The following SPDYA variants were observed in gnomAD, a reference collection of about 807,000 sequenced individuals.
SPDYA encodes the protein speedy protein A.
SPDYA carries 11 observed loss-of-function variants against 36.7 expected under a neutral mutation model. The observed-to-expected ratio is 0.30, with a 90% CI of 0.19 to 0.50. SPDYA has a LOEUF of 0.50. Ranked by LOEUF, SPDYA falls within the 20% of genes least tolerant of loss-of-function variation. SPDYA has a pLI of 0.98. For missense variants in SPDYA, 287 were observed against 370.9 expected, an observed-to-expected ratio of 0.77 and a Z score of 1.86; for synonymous variants, 115 against 118.7, an observed-to-expected ratio of 0.97 and a Z score of 0.20.
chr2:28,850,419 A>G lies in SPDYA; in HGVS notation c.*478A>G, dbSNP rs1558336447. The G allele has an allele frequency of 6.5e-7, 1 of 1,533,292 alleles. No homozygotes were observed. The highest frequency in any genetic ancestry group is 9.0e-7 in the Non-Finnish European group (1 of 1,113,430). The allele number at this position is 1,533,292 out of a possible 1,614,324, so 95.0% of individuals were successfully genotyped here. A position where few individuals can be genotyped will look rare whatever the true frequency, so the allele number is the denominator to read the frequency against. The stretch of plus-strand genomic sequence containing the variant: ...AATGCGATTCTTCTGTTGTAAAAAA[A>G]TATATGTACTATAAGCTACATAAAA... On this transcript the variant is annotated 3_prime_UTR_variant, in exon 8 of 8. Coordinates refer to ENST00000334056, the MANE Select transcript of SPDYA (RefSeq NM_182756.4).
intron 6 of SPDYA, among the ~76,000 whole-genome samples, chr2:28,834,023 A>G (rs376368367): frequency 2.2e-4 from 34 of 152,162 alleles, no homozygotes; most frequent in East Asian, 2.1e-3. Flanking sequence ...AATCAATTTA[A>G]AAAATGGGCA....
chr2:28,850,440 TA>T lies in SPDYA; in HGVS notation c.*503del. 2.2e-6 allele frequency: 3 copies of T among 1,372,622 alleles called. No individual in the cohort carries two copies. Among genetic ancestry groups the T allele is most frequent in the Non-Finnish European group, 3.0e-6 (3 of 991,318 alleles). 85.0% of individuals were successfully genotyped at this position (1,372,622 alleles called of 1,614,324 possible). ...AAAAATATATGTACTATAAGCTACA[TA>T]AAATATTTTCTATTTTTTTCACAAA... On this transcript the variant is annotated 3_prime_UTR_variant, in exon 8 of 8. Transcript: ENST00000334056.
At chr2:28,814,812 T>C (rs1408497330) in intron 2 of SPDYA, 126 bp downstream of exon 2, 1 of 152,140 alleles carries the variant, frequency 6.6e-6, no homozygotes, top group African/African-American at 2.4e-5. Flanking sequence ...ACCACAAAAA[T>C]AATACTAAGT....
intron 3 of SPDYA, 112 bp from the exon 4 acceptor site, chr2:28,818,936 C>G: frequency 1.3e-6 from 1 of 799,380 alleles, no homozygotes; most frequent in Non-Finnish European, 2.0e-6. Context: ...CTGGTTCATT[C>G]ATTTTTGTTT....
intron 6 of SPDYA, among the ~76,000 whole-genome samples, chr2:28,834,145 C>G (rs931995668): frequency 6.6e-6 from 1 of 151,662 alleles, no homozygotes; most frequent in African/African-American, 2.4e-5. Flanking sequence ...CATTAGCTGT[C>G]AGGGATTGCA....
rs1480757390 is a variant in SPDYA at position 28,829,085 on chromosome 2, A to G, written c.381-63A>G. 25 of 1,448,686 alleles carry G rather than the reference A, an allele frequency of 1.7e-5. No homozygotes were observed. In the Admixed American group the frequency reaches 5.4e-4, roughly 32 times the overall value. The allele number at this position is 1,448,686 out of a possible 1,614,324, so 89.7% of individuals were successfully genotyped here. On this transcript the variant is annotated intron_variant, in intron 5 of 7. Coordinates refer to ENST00000334056, the MANE Select transcript of SPDYA (RefSeq NM_182756.4). ...ATAAACCACTTTTATGTCTTGGTGT[A>G]TGTGAACTACCTGTTTCTGTCCTTT...
intron 5 of SPDYA, among the ~76,000 whole-genome samples, chr2:28,826,837 G>A (rs1157493096): frequency 1.3e-5 from 2 of 150,690 alleles, no homozygotes; most frequent in African/African-American, 2.4e-5. Flanking sequence ...GCTGGGTTTC[G>A]AACTCCTCAG....
chr2:28,844,335 G>A (rs1334491183), intron 7 of SPDYA, among the ~76,000 whole-genome samples: 1 of 152,164 alleles, frequency 6.6e-6, no homozygotes, highest in African/African-American at 2.4e-5. Flanking sequence ...GAGAATTAAG[G>A]GAAGGGCCTT....
Position 28,846,318 on chromosome 2 carries a change from G to A in SPDYA, c.851-3532G>A, listed in dbSNP as rs192104334. ...AGCTACTCCAGAGACTGAGGCAGGA[G>A]AATTGCTTGAACCTGGGAGGTGGAG... is the stretch of plus-strand genomic sequence containing the variant. On this transcript the variant is annotated intron_variant, in intron 7 of 7. Transcript: ENST00000334056. 1.4e-3 allele frequency among the ~76,000 whole-genome samples: 217 copies of A among 152,318 alleles called. 3 individuals carry two copies. The highest frequency in any genetic ancestry group is 5.0e-3 in the African/African-American group (206 of 41,586).
Position 28,826,611 on chromosome 2 carries a change from C to CTTTTTTTTTTTTTTTTT in SPDYA, c.381-2528_381-2512dup, listed in dbSNP as rs777338299. Reference sequence around the variant, plus strand: ...AAATTTTCTTTTTCTTTCTTTCTCTCTTTTTTTTTTTTTTTTTTTTTTTTT... The same window carrying CTTTTTTTTTTTTTTTTT: ...AAATTTTCTTTTTCTTTCTTTCTCTCTTTTTTTTTTTTTTTTTTTTTTTTTTTTTTTTTTTTTTTTTT... On this transcript the variant is annotated intron_variant, in intron 5 of 7. Transcript: ENST00000334056. Among the ~76,000 whole-genome samples, 4 of 75,348 alleles carry CTTTTTTTTTTTTTTTTT rather than the reference C, an allele frequency of 5.3e-5. 1 individual carries two copies. Among genetic ancestry groups the CTTTTTTTTTTTTTTTTT allele is most frequent in the African/African-American group, 1.2e-4 (2 of 16,576 alleles). The allele number at this position is 75,348 out of a possible 152,430, so 49.4% of individuals were successfully genotyped here. A position where few individuals can be genotyped will look rare whatever the true frequency, so the allele number is the denominator to read the frequency against.
intron 6 of SPDYA, among the ~76,000 whole-genome samples, chr2:28,839,802 A>ATTTTCTACGATTAATCACCTTATATATGT (rs1668705938): frequency 6.6e-6 from 1 of 152,162 alleles, no homozygotes; most frequent in South Asian, 2.1e-4. Flanking sequence ...GCGCCCGGCC[A>ATTTTCTACGATTAATCACCTTATATATGT]ATTAACTTTT....
intron 3 of SPDYA, 137 bp from the exon 4 acceptor site, chr2:28,818,911 C>G (rs1463425841): frequency 3.2e-6 from 2 of 626,792 alleles, no homozygotes; most frequent in East Asian, 5.6e-5. Context: ...ACTGAAAACT[C>G]CACCTTAGGC....
chr2:28,848,143 T>C (rs1048208982), intron 7 of SPDYA, among the ~76,000 whole-genome samples: 5 of 152,200 alleles, frequency 3.3e-5, no homozygotes, highest in Non-Finnish European at 7.3e-5. Flanking sequence ...TATAAAGGCA[T>C]CATTATTATA....
In SPDYA at chr2:28,850,525, C is replaced by T; in HGVS notation, c.*584C>T. 1 of 670,190 alleles carries T rather than the reference C, an allele frequency of 1.5e-6. No homozygotes were observed. Among genetic ancestry groups the T allele is most frequent in the Non-Finnish European group, 2.5e-6 (1 of 401,128 alleles). 41.5% of individuals were successfully genotyped at this position (670,190 alleles called of 1,614,324 possible). On this transcript the variant is annotated 3_prime_UTR_variant, in exon 8 of 8. Coordinates refer to ENST00000334056, the MANE Select transcript of SPDYA (RefSeq NM_182756.4). ...AGTTTTTTCTTTATTTATTTCCTTG[C>T]ATATGTTTTAGAGCTACTCTGCCAG... is the stretch of plus-strand genomic sequence containing the variant.
intron 5 of SPDYA, among the ~76,000 whole-genome samples, chr2:28,823,548 C>T (rs1286454135): frequency 3.4e-5 from 5 of 147,328 alleles, no homozygotes; most frequent in East Asian, 2.0e-4. Context: ...CGCTTGAACC[C>T]GGGAGGTGGA....
At chr2:28,821,201 T>C (rs932642373) in intron 4 of SPDYA, among the ~76,000 whole-genome samples, 7 of 136,818 alleles carry the variant, frequency 5.1e-5, no homozygotes, top group African/African-American at 1.4e-4. Flanking sequence ...CTTTTTCTTT[T>C]TTTTTTTTTT....
At chr2:28,841,436 C>G (rs954862481) in intron 7 of SPDYA, among the ~76,000 whole-genome samples, 3 of 151,990 alleles carry the variant, frequency 2.0e-5, no homozygotes, top group Admixed American at 6.6e-5. Flanking sequence ...CTAGAAATGT[C>G]TAGAAATAGT....
chr2:28,826,937 T>A lies in SPDYA; in HGVS notation c.381-2211T>A, dbSNP rs1191982489. Among the ~76,000 whole-genome samples the A allele has an allele frequency of 2.0e-5, 3 of 148,896 alleles. No homozygotes were observed. The Admixed American group carries it at 2.0e-4, about 10-fold the overall frequency. On this transcript the variant is annotated intron_variant, in intron 5 of 7. Coordinates refer to ENST00000334056, the MANE Select transcript of SPDYA (RefSeq NM_182756.4). ...CATCCCCATCTTTGCTATTTTCTTT[T>A]TTCTTTTCTTTCTTTTTTTTTTTTT...
intron 6 of SPDYA, among the ~76,000 whole-genome samples, chr2:28,838,787 C>G (rs1668675002): frequency 1.3e-5 from 2 of 152,120 alleles, no homozygotes; most frequent in African/African-American, 4.8e-5. Context: ...GCCCGGCCAA[C>G]ATGGTGAAAC....
Sources: gnomAD v4.1 joint callset for allele counts (sites outside exome capture counted in the v4.1 genomes callset) on GRCh38, gnomAD v4.1.1 for gene constraint, MANE v1.5 for transcripts, NCBI Gene and HGNC (gene_info 2026-07-23, HGNC 2026-07-21) for gene names.